Variants in ZFAND3 observed in about 807,000 individuals in gnomAD.
ZFAND3 encodes the protein AN1-type zinc finger protein 3.
Under a neutral mutation model 29.6 loss-of-function variants are expected in ZFAND3, and 10 were observed. That is an observed-to-expected ratio of 0.34 (90% CI 0.21 to 0.57). ZFAND3 has a LOEUF of 0.57. ZFAND3 is among the 20% of genes least tolerant of loss of function. The pLI, the probability that ZFAND3 is intolerant of heterozygous loss-of-function variation, is 0.86. For synonymous variants in ZFAND3, 128 were observed against 112.6 expected, an observed-to-expected ratio of 1.14 and a Z score of -0.87; for missense variants, 230 against 304.5, an observed-to-expected ratio of 0.76 and a Z score of 1.82.
At chr6:37,910,723 C>G (rs1765505093) in intron 1 of ZFAND3, among the ~76,000 whole-genome samples, 1 of 152,134 alleles carries the variant, frequency 6.6e-6, no homozygotes, top group Non-Finnish European at 1.5e-5. Flanking sequence ...AACATATCCC[C>G]AACCCCCCAT....
chr6:38,082,587 T>A, intron 4 of ZFAND3, 130 bp downstream of exon 4: 1 of 792,314 alleles, frequency 1.3e-6, no homozygotes, highest in Non-Finnish European at 2.0e-6. Flanking sequence ...GATATGTGCT[T>A]AGTATTCACG....
chr6:38,130,887 C>G (rs1765729110), intron 5 of ZFAND3, among the ~76,000 whole-genome samples: 2 of 152,028 alleles, frequency 1.3e-5, no homozygotes, highest in Admixed American at 1.3e-4. Context: ...GGATTAGTAC[C>G]AACTCTTCTT....
chr6:37,826,262 G>A (rs1763758211), intron 1 of ZFAND3, among the ~76,000 whole-genome samples: 1 of 152,114 alleles, frequency 6.6e-6, no homozygotes, highest in African/African-American at 2.4e-5. Flanking sequence ...GTGTCAGAGT[G>A]GTTTTCAAAA....
intron 2 of ZFAND3, among the ~76,000 whole-genome samples, chr6:37,994,652 G>GT (rs1268453797): frequency 4.6e-5 from 7 of 152,148 alleles, no homozygotes; most frequent in African/African-American, 1.4e-4. Context: ...TATGTGATTT[G>GT]TAACTCTTAC....
At chr6:38,021,435 G>T (rs1763346969) in intron 2 of ZFAND3, among the ~76,000 whole-genome samples, 6 of 151,684 alleles carry the variant, frequency 4.0e-5, no homozygotes, top group Admixed American at 3.9e-4. Flanking sequence ...TTTTTCCCTT[G>T]ATAAAACCAA....
At chr6:37,980,959 G>A (rs1194239524) in intron 2 of ZFAND3, among the ~76,000 whole-genome samples, 14 of 152,108 alleles carry the variant, frequency 9.2e-5, no homozygotes, top group Admixed American at 8.5e-4. Context: ...TTTATAATGG[G>A]AATTTATTTC....
intron 1 of ZFAND3, among the ~76,000 whole-genome samples, chr6:37,826,037 G>C (rs939544603): frequency 1.3e-5 from 2 of 152,162 alleles, no homozygotes; most frequent in Non-Finnish European, 2.9e-5. Flanking sequence ...GGGACTGGCA[G>C]GCTGCATGGC....
intron 1 of ZFAND3, among the ~76,000 whole-genome samples, chr6:37,835,013 T>C (rs1763941209): frequency 6.6e-6 from 1 of 152,218 alleles, no homozygotes. Context: ...CATTTTTCTT[T>C]TAATTTATAT....
chr6:38,143,359 C>T (rs965790471), intron 5 of ZFAND3, among the ~76,000 whole-genome samples: 1 of 152,394 alleles, frequency 6.6e-6, no homozygotes, highest in African/African-American at 2.4e-5. Context: ...CTTGCCTGCA[C>T]TGCTGACGGC....
intron 2 of ZFAND3, among the ~76,000 whole-genome samples, chr6:37,937,201 C>G (rs550403046): frequency 6.6e-6 from 1 of 152,246 alleles, no homozygotes; most frequent in South Asian, 2.1e-4. Context: ...CAGAGTGAGT[C>G]TGACAAATTT....
In ZFAND3 at chr6:38,135,763, CAAAA is replaced by C. The variant is rs72123739; in HGVS notation, c.530-16467_530-16464del. Among the ~76,000 whole-genome samples the C allele has an allele frequency of 6.6e-5, 10 of 151,118 alleles. No homozygotes were observed. In the South Asian group the frequency reaches 8.4e-4, roughly 13 times the overall value. On this transcript the variant is annotated intron_variant, in intron 5 of 5. Transcript: ENST00000287218. ...CCATCTCAATTAAAAAAAAAACAAA[CAAAA>C]AAAACACGTTTCCGGTGAGCTGTGT...
chr6:38,044,042 G>A (rs1036760435), intron 2 of ZFAND3, among the ~76,000 whole-genome samples: 1 of 152,120 alleles, frequency 6.6e-6, no homozygotes, highest in Non-Finnish European at 1.5e-5. Flanking sequence ...TCTGGGACAA[G>A]GTCTGTCAGG....
intron 4 of ZFAND3, among the ~76,000 whole-genome samples, chr6:38,090,826 G>A (rs1764852700): frequency 6.6e-6 from 1 of 152,130 alleles, no homozygotes; most frequent in Non-Finnish European, 1.5e-5. Context: ...AATAATAGGT[G>A]GGTTTAAAGG....
At chr6:38,108,064 C>G (rs1413065123) in intron 4 of ZFAND3, among the ~76,000 whole-genome samples, 1 of 152,048 alleles carries the variant, frequency 6.6e-6, no homozygotes, top group Non-Finnish European at 1.5e-5. Flanking sequence ...CCTTTAAGAA[C>G]AATGAGGGTA....
intron 1 of ZFAND3, among the ~76,000 whole-genome samples, chr6:37,844,468 C>A (rs1002236711): frequency 6.6e-6 from 1 of 151,014 alleles, no homozygotes; most frequent in South Asian, 2.1e-4. Context: ...TTCTTAGTAG[C>A]GATGGGGTTT....
intron 2 of ZFAND3, among the ~76,000 whole-genome samples, chr6:38,059,697 A>G (rs968921084): frequency 3.3e-5 from 5 of 151,956 alleles, no homozygotes; most frequent in African/African-American, 4.8e-5. Context: ...GGCCAACATG[A>G]TGAAACTCTG....
At chr6:37,874,163 A>G (rs1030424101) in intron 1 of ZFAND3, among the ~76,000 whole-genome samples, 1 of 152,200 alleles carries the variant, frequency 6.6e-6, no homozygotes, top group African/African-American at 2.4e-5. Context: ...GTAGATGGCC[A>G]TCTTCTCCCT....
intron 1 of ZFAND3, among the ~76,000 whole-genome samples, chr6:37,845,215 T>C (rs1462174152): frequency 6.6e-6 from 1 of 152,172 alleles, no homozygotes. Flanking sequence ...TTTAATCTTC[T>C]ACTGATGGTG....
At chr6:38,075,317 A>C (rs182077089) in intron 3 of ZFAND3, among the ~76,000 whole-genome samples, 25 of 152,330 alleles carry the variant, frequency 1.6e-4, no homozygotes, top group African/African-American at 5.8e-4. Flanking sequence ...CAAAATATCA[A>C]CATTAACAGA....
Sources: gnomAD v4.1 joint callset for allele counts (sites outside exome capture counted in the v4.1 genomes callset) on GRCh38, gnomAD v4.1.1 for gene constraint, MANE v1.5 for transcripts, NCBI Gene and HGNC (gene_info 2026-07-23, HGNC 2026-07-21) for gene names.